Variants in RUNX2 observed in about 807,000 individuals in gnomAD.
RUNX2 encodes the protein RUNX family transcription factor 2.
RUNX2 carries 10 observed loss-of-function variants against 51.7 expected under a neutral mutation model. That is an observed-to-expected ratio of 0.19 (90% confidence interval 0.12 to 0.33). The LOEUF is 0.33. Among genes scored for constraint, RUNX2 ranks in the 10% least tolerant of loss-of-function variants. The pLI, the probability that RUNX2 is intolerant of heterozygous loss-of-function variation, is 1.00. For missense variants in RUNX2, 562 were observed against 691.3 expected (o/e 0.81, Z 2.10); for synonymous variants, 276 against 273.6 (o/e 1.01, Z -0.09).
rs768838744 is a variant in RUNX2, at chr6:45,492,020, C to T, written c.765C>T (p.Pro255=). The T allele has an allele frequency of 6.2e-7, 1 of 1,613,772 alleles. No individual in the cohort carries two copies. Among genetic ancestry groups the T allele is most frequent in the South Asian group, 1.1e-5 (1 of 91,078 alleles). Residue 255 remains proline, a synonymous_variant, in exon 6 of 9, where the codon CCC becomes CCT. Coordinates refer to ENST00000647337, the MANE Select transcript of RUNX2 (RefSeq NM_001024630.4). The stretch of plus-strand genomic sequence containing the variant: ...GTGATTTAGGGCGCATTCCTCATCC[C>T]AGTATGAGAGTAGGTGTCCCGCCTC... ...RLSDLGRIPH[P]SMRVGVPPQN... is the part of the protein sequence containing the mutation.
intron 2 of RUNX2, chr6:45,365,356 CAAA>C: frequency 3.1e-6 from 3 of 955,082 alleles, no homozygotes; most frequent in South Asian, 1.8e-5. Context: ...TAAGTAAATG[CAAA>C]AAAAAAAGAA....
chr6:45,542,982 C>T (rs1802278387), intron 7 of RUNX2, among the ~76,000 whole-genome samples: 2 of 152,164 alleles, frequency 1.3e-5, no homozygotes, highest in African/African-American at 2.4e-5. Flanking sequence ...ATCAGAGTTC[C>T]TCAACCAGCA....
At chr6:45,504,074 G>A (rs1800881317) in intron 6 of RUNX2, among the ~76,000 whole-genome samples, 1 of 152,080 alleles carries the variant, frequency 6.6e-6, no homozygotes, top group South Asian at 2.1e-4. Flanking sequence ...ACTCGGGTCT[G>A]TCTCCTGCTG....
At chr6:45,517,080 G>A (rs1486875328) in intron 7 of RUNX2, among the ~76,000 whole-genome samples, 1 of 152,136 alleles carries the variant, frequency 6.6e-6, no homozygotes, top group Non-Finnish European at 1.5e-5. Context: ...ATGCTTTCTG[G>A]AGGTTTCTTA....
At chr6:45,545,799 C>T (rs888005029) in intron 8 of RUNX2, among the ~76,000 whole-genome samples, 3 of 152,222 alleles carry the variant, frequency 2.0e-5, no homozygotes, top group Non-Finnish European at 2.9e-5. Flanking sequence ...CTACAAGATT[C>T]TAGCATTTCA....
chr6:45,547,258 T>C lies in RUNX2; in HGVS notation c.1519T>C (p.Leu507=). Residue 507 remains leucine (L), a synonymous_variant, in exon 9 of 9, where the codon TTG becomes CTG. Transcript: ENST00000647337. ...DGSHSSSPTV[L]NSSGRMDESV... ...AAGCCACAGCAGTTCCCCAACTGTT[T>C]TGAATTCTAGTGGCAGAATGGATGA... 6.2e-7 allele frequency: 1 copy of C among 1,614,222 alleles called. No homozygotes were observed. Among genetic ancestry groups the C allele is most frequent in the African/African-American group, 1.3e-5 (1 of 75,052 alleles).
chr6:45,421,473 A>C (rs1798186947), intron 2 of RUNX2: 2 of 152,114 alleles, frequency 1.3e-5, no homozygotes, highest in South Asian at 4.2e-4. Flanking sequence ...TTCCCTTGGG[A>C]GTCGCTCAGA....
Position 45,328,787 on chromosome 6 carries a change from A to G in RUNX2, c.58+3A>G. 8 of 1,611,896 alleles carry G rather than the reference A, an allele frequency of 5.0e-6. No individual in the cohort carries two copies. Among genetic ancestry groups the G allele is most frequent in the Non-Finnish European group, 6.8e-6 (8 of 1,178,478 alleles). ...ATGTCAGCAAAACTTCTTTTGGGGTAAGTGTTACCATTTTTAAAATCCTGT... is the reference window on the plus strand; with the variant it reads ...ATGTCAGCAAAACTTCTTTTGGGGTGAGTGTTACCATTTTTAAAATCCTGT... On this transcript the variant is annotated splice_donor_region_variant and intron_variant, in intron 2 of 8. Transcript: ENST00000647337.
chr6:45,432,073 G>A (rs1374979812), intron 4 of RUNX2, 54 bp downstream of exon 4: 1 of 1,537,182 alleles, frequency 6.5e-7, no homozygotes, highest in African/African-American at 1.4e-5. Flanking sequence ...AGGCTCCTTT[G>A]ATGAAATGTA....
chr6:45,341,692 G>A (rs1355927472), intron 2 of RUNX2, among the ~76,000 whole-genome samples: 3 of 152,030 alleles, frequency 2.0e-5, no homozygotes, highest in African/African-American at 7.2e-5. Flanking sequence ...AATAACTACG[G>A]AATAACAGAT....
At chr6:45,331,526 A>G (rs1463932767) in intron 2 of RUNX2, among the ~76,000 whole-genome samples, 1 of 152,012 alleles carries the variant, frequency 6.6e-6, no homozygotes, top group Admixed American at 6.6e-5. Flanking sequence ...GTTAAGAACA[A>G]ACACAGAAAA....
intron 5 of RUNX2, among the ~76,000 whole-genome samples, chr6:45,442,677 G>A (rs1018356065): frequency 6.6e-6 from 1 of 152,188 alleles, no homozygotes; most frequent in South Asian, 2.1e-4. Context: ...AACTACCCTC[G>A]AATATAACAT....
intron 8 of RUNX2, 89 bp from the exon 9 acceptor site, chr6:45,546,738 T>G: frequency 8.5e-7 from 1 of 1,183,178 alleles, no homozygotes; most frequent in Non-Finnish European, 1.2e-6. Flanking sequence ...AAAGCTAAAG[T>G]TTTCTCTTTT....
At chr6:45,525,769 C>T (rs1399509873) in intron 7 of RUNX2, among the ~76,000 whole-genome samples, 1 of 152,006 alleles carries the variant, frequency 6.6e-6, no homozygotes, top group Non-Finnish European at 1.5e-5. Flanking sequence ...CTGAGGCGGG[C>T]AGTTTGCTTG....
At chr6:45,343,967 T>C (rs1581741922) in intron 2 of RUNX2, among the ~76,000 whole-genome samples, 1 of 152,340 alleles carries the variant, frequency 6.6e-6, no homozygotes, top group East Asian at 1.9e-4. Flanking sequence ...ACTAGTTGTT[T>C]ACTGGTAAAA....
chr6:45,467,157 A>G (rs1799657708), intron 5 of RUNX2, among the ~76,000 whole-genome samples: 2 of 152,186 alleles, frequency 1.3e-5, no homozygotes, highest in Non-Finnish European at 2.9e-5. Context: ...GCCTCTTTGC[A>G]GGTATAATCC....
At chr6:45,500,743 G>C (rs750697630) in intron 6 of RUNX2, among the ~76,000 whole-genome samples, 2 of 152,208 alleles carry the variant, frequency 1.3e-5, no homozygotes, top group African/African-American at 2.4e-5. Context: ...GAGCCAATTG[G>C]CATGATTATG....
At chr6:45,450,124 C>T (rs1312639428) in intron 5 of RUNX2, among the ~76,000 whole-genome samples, 3 of 152,072 alleles carry the variant, frequency 2.0e-5, no homozygotes, top group Admixed American at 1.3e-4. Context: ...CAAAGGAGAG[C>T]GAATAACTGG....
At chr6:45,487,107 A>G (rs12197948) in intron 5 of RUNX2, among the ~76,000 whole-genome samples, 39,369 of 152,170 alleles carry the variant, frequency 0.26, 5,948 homozygotes, top group Non-Finnish European at 0.34. Flanking sequence ...AACAAAAGTC[A>G]TATTCAGCTA....
Sources: allele counts gnomAD v4.1 joint callset (sites outside exome capture counted in the v4.1 genomes callset), GRCh38; gene constraint gnomAD v4.1.1; transcripts MANE v1.5; gene names NCBI Gene and HGNC (gene_info 2026-07-23, HGNC 2026-07-21).